Variants in URM1 observed in about 807,000 individuals in gnomAD.
URM1 encodes ubiquitin related modifier 1.
Under a neutral mutation model 17.7 loss-of-function variants are expected in URM1, and 11 were observed. The observed-to-expected ratio is 0.62, with a 90% CI of 0.39 to 1.03. URM1 has a LOEUF of 1.03. Ranked by LOEUF, URM1 falls within the 50% of genes least tolerant of loss-of-function variation. The probability of loss-of-function intolerance (pLI) is 0.00; values close to 1 mark genes in which losing one functional copy is unlikely to be tolerated. For missense variants in URM1, 128 were observed against 129.2 expected, an observed-to-expected ratio of 0.99 and a Z score of 0.04; for synonymous variants, 48 against 50.6, an observed-to-expected ratio of 0.95 and a Z score of 0.22.
chr9:128,386,601 G>T (rs1283165277), intron 2 of URM1, among the ~76,000 whole-genome samples: 1 of 152,358 alleles, frequency 6.6e-6, no homozygotes, highest in Middle Eastern at 3.4e-3. Context: ...GCCAGCCAGC[G>T]TGCCTTAACT....
At position 128,387,692 on chromosome 9, in the gene URM1, C is replaced by T. The variant is rs1314636755; in HGVS notation, c.107-124C>T. On this transcript the variant is annotated intron_variant, in intron 2 of 4. Coordinates refer to ENST00000372853, the MANE Select transcript of URM1 (RefSeq NM_030914.4). This position sits in a 1 kb window ranked among gnomAD's most constrained non-coding sequence, Gnocchi z 4.3. ...GAATCTACAAGTTCATGGGCTATCA[C>T]AGCCTGGTCTAAAAGAAGCCCTCTA... 6.7e-7 allele frequency: 1 copy of T among 1,495,852 alleles called. No individual in the cohort carries two copies. Among genetic ancestry groups the T allele is most frequent in the South Asian group, 1.3e-5 (1 of 79,480 alleles). The allele number at this position is 1,495,852 out of a possible 1,614,324, so 92.7% of individuals were successfully genotyped here. A position where few individuals can be genotyped will look rare whatever the true frequency, so the allele number is the denominator to read the frequency against.
intron 3 of URM1, 159 bp downstream of exon 3, chr9:128,388,056 C>A: frequency 7.4e-7 from 1 of 1,359,234 alleles, no homozygotes; most frequent in South Asian, 2.0e-5. Context: ...TTTCTTGTTA[C>A]TAAACCGAAC....
chr9:128,371,466 C>A, intron 1 of URM1, 51 bp downstream of exon 1: 1 of 1,592,244 alleles, frequency 6.3e-7, no homozygotes, highest in South Asian at 1.1e-5. Context: ...TCGTCGGGCC[C>A]AGAATTCCTT....
At chr9:128,388,912 T>G (rs1448535549) in intron 3 of URM1, 13 of 1,084,926 alleles carry the variant, frequency 1.2e-5, no homozygotes, top group South Asian at 7.6e-5. Flanking sequence ...TCCACACATA[T>G]CAGCTCATTT....
chr9:128,389,321 G>C lies in URM1; in HGVS notation c.237+12G>C, dbSNP rs370337462. 2.5e-6 allele frequency: 4 copies of C among 1,613,754 alleles called. No individual in the cohort carries two copies. The highest frequency in any genetic ancestry group is 3.4e-6 in the Non-Finnish European group (4 of 1,179,968). On this transcript the variant is annotated intron_variant, in intron 4 of 4. Coordinates refer to ENST00000372853, the MANE Select transcript of URM1 (RefSeq NM_030914.4). ...ACTGGGAGCTACTGGTCAGTACCTTGGGGGACATCCCTCCCCCAGCCCCTG... is the reference window on the plus strand; with the variant it reads ...ACTGGGAGCTACTGGTCAGTACCTTCGGGGACATCCCTCCCCCAGCCCCTG...
In URM1 at chr9:128,389,613, G is replaced by A. The variant is rs375067234; in HGVS notation, c.238-53G>A. On this transcript the variant is annotated intron_variant, in intron 4 of 4. Coordinates refer to ENST00000372853, the MANE Select transcript of URM1 (RefSeq NM_030914.4). ...CCCCTGTTCTCCCAACTCCTGGGGT[G>A]GACCTGGGAAGGTGGCCCTGAGGGT... The A allele has an allele frequency of 5.6e-6, 9 of 1,609,976 alleles. No individual in the cohort carries two copies. In the Admixed American group the frequency reaches 1.0e-4, roughly 18 times the overall value.
At position 128,385,218 on chromosome 9, in the gene URM1, T is replaced by G. The variant is rs546297263; in HGVS notation, c.107-2598T>G. ...CCAGCCTTCCCATGTGTTATCCTTCTGTCCAGAATGCTCCCCACCCCACTC... is the reference window on the plus strand; with the variant it reads ...CCAGCCTTCCCATGTGTTATCCTTCGGTCCAGAATGCTCCCCACCCCACTC... On this transcript the variant is annotated intron_variant, in intron 2 of 4. Transcript: ENST00000372853. Among the ~76,000 whole-genome samples, 11 of 152,300 alleles carry G rather than the reference T, an allele frequency of 7.2e-5. No homozygotes were observed. The East Asian group carries it at 1.7e-3, about 24-fold the overall frequency.
At chr9:128,385,730 G>C (rs1833217682) in intron 2 of URM1, among the ~76,000 whole-genome samples, 1 of 152,156 alleles carries the variant, frequency 6.6e-6, no homozygotes, top group South Asian at 2.1e-4. Context: ...TTTCAGGCCA[G>C]GCCGAGTGGC....
At chr9:128,384,681 A>G (rs1478104084) in intron 2 of URM1, among the ~76,000 whole-genome samples, 2 of 152,184 alleles carry the variant, frequency 1.3e-5, no homozygotes, top group African/African-American at 4.8e-5. Flanking sequence ...GAGTAATTAC[A>G]GCATTGATAT....
At chr9:128,380,681 G>A (rs911819665) in intron 2 of URM1, among the ~76,000 whole-genome samples, 25 of 149,560 alleles carry the variant, frequency 1.7e-4, no homozygotes, top group Non-Finnish European at 2.7e-4. Context: ...TGTCTCCCAG[G>A]CTGAAGTGCC....
At chr9:128,378,140 G>A in intron 2 of URM1, 34 bp downstream of exon 2, 1 of 1,511,856 alleles carries the variant, frequency 6.6e-7, no homozygotes. Context: ...CTCTCTTGGG[G>A]CCATTGAACA....
At position 128,389,242 on chromosome 9, in the gene URM1, A is replaced by G. The variant is rs1833270325; in HGVS notation, c.189-19A>G. On this transcript the variant is annotated intron_variant, in intron 3 of 4. Coordinates refer to ENST00000372853, the MANE Select transcript of URM1 (RefSeq NM_030914.4). ...TCCTGCCTCTCACTCCTTGCTACTC[A>G]CCACCATCTTTCCCACAGGCGGCCA... 6.3e-7 allele frequency: 1 copy of G among 1,584,930 alleles called. No individual in the cohort carries two copies. The highest frequency in any genetic ancestry group is 8.6e-7 in the Non-Finnish European group (1 of 1,163,588).
chr9:128,372,336 T>C (rs1833024471), intron 1 of URM1, among the ~76,000 whole-genome samples: 1 of 151,964 alleles, frequency 6.6e-6, no homozygotes, highest in Admixed American at 6.6e-5. Flanking sequence ...TAAGCCAAGG[T>C]CTATGTGACA....
intron 1 of URM1, among the ~76,000 whole-genome samples, chr9:128,374,863 C>T (rs1833057572): frequency 6.6e-6 from 1 of 152,246 alleles, no homozygotes; most frequent in Admixed American, 6.5e-5. Flanking sequence ...TCTCAGAAGC[C>T]TCAGCTTCTG....
At chr9:128,373,608 G>A (rs181635044) in intron 1 of URM1, among the ~76,000 whole-genome samples, 96 of 152,214 alleles carry the variant, frequency 6.3e-4, no homozygotes, top group African/African-American at 2.2e-3. Flanking sequence ...TCAGCAGAGC[G>A]TTTTCTCAGG....
intron 1 of URM1, among the ~76,000 whole-genome samples, chr9:128,374,641 T>C (rs1480350046): frequency 2.0e-5 from 3 of 152,228 alleles, no homozygotes; most frequent in Admixed American, 6.5e-5. Context: ...GTTTTCCCCA[T>C]GACAATGCTT....
At chr9:128,373,140 A>G (rs1833033625) in intron 1 of URM1, among the ~76,000 whole-genome samples, 1 of 152,018 alleles carries the variant, frequency 6.6e-6, no homozygotes, top group Non-Finnish European at 1.5e-5. Context: ...TCCAAGAGCA[A>G]TAATGACCCC....
At chr9:128,384,267 G>T (rs1833198477) in intron 2 of URM1, among the ~76,000 whole-genome samples, 1 of 152,184 alleles carries the variant, frequency 6.6e-6, no homozygotes, top group Admixed American at 6.5e-5. Context: ...AGGTGCCAAG[G>T]TATCCTGCAC....
chr9:128,376,807 C>T (rs113711233), intron 1 of URM1, among the ~76,000 whole-genome samples: 7 of 152,148 alleles, frequency 4.6e-5, no homozygotes, highest in East Asian at 3.9e-4. Flanking sequence ...AGCAACATGG[C>T]GAAATCCCAT....
Sources: allele counts gnomAD v4.1 joint callset (sites outside exome capture counted in the v4.1 genomes callset), GRCh38; gene constraint gnomAD v4.1.1; non-coding constraint Gnocchi (gnomAD v3.1); transcripts MANE v1.5; gene names NCBI Gene and HGNC (gene_info 2026-07-23, HGNC 2026-07-21).